CNBD1: variants seen among roughly 807,000 people sequenced by gnomAD.
CNBD1 encodes cyclic nucleotide binding domain containing 1, also known as cyclic nucleotide-binding domain-containing protein 1.
Under a neutral mutation model 54.4 loss-of-function variants are expected in CNBD1, and 71 were observed. The ratio of observed to expected loss-of-function variants is 1.30; its 90% CI spans 1.08 to 1.59. CNBD1 has a LOEUF of 1.59. Among genes scored for constraint, CNBD1 ranks in the 40% most tolerant of loss-of-function variants. The pLI is 0.00. For synonymous variants in CNBD1, 182 were observed against 170.7 expected, an observed-to-expected ratio of 1.07 and a Z score of -0.51; for missense variants, 659 against 518.0, an observed-to-expected ratio of 1.27 and a Z score of -2.64.
At chr8:87,349,273 T>G (rs550866314) in intron 8 of CNBD1, among the ~76,000 whole-genome samples, 1 of 152,176 alleles carries the variant, frequency 6.6e-6, no homozygotes, top group African/African-American at 2.4e-5. Flanking sequence ...AGAGGCTGAA[T>G]GAGTAAAATT....
intron 2 of CNBD1, among the ~76,000 whole-genome samples, chr8:87,406,332 T>G (rs970031051): frequency 1.3e-5 from 2 of 151,978 alleles, no homozygotes; most frequent in East Asian, 1.9e-4. Flanking sequence ...AATTCAAACA[T>G]TTTAAGTAAG....
In CNBD1 at chr8:86,942,425, G is replaced by A. The variant is rs59328536; in HGVS notation, c.431+2671G>A. ...GTCCACTGGGCTGTGACCATTTCTGGAGCATAGGATCCTCTTCCAAGCTCA... is the reference window on the plus strand; with the variant it reads ...GTCCACTGGGCTGTGACCATTTCTGAAGCATAGGATCCTCTTCCAAGCTCA... On this transcript the variant is annotated intron_variant, in intron 4 of 10. Transcript: ENST00000518476. 5.5e-3 allele frequency among the ~76,000 whole-genome samples: 841 copies of A among 152,218 alleles called. 8 individuals carry two copies. The highest frequency in any genetic ancestry group is 0.019 in the African/African-American group (788 of 41,558).
At chr8:87,156,569 A>G (rs1220031234) in intron 4 of CNBD1, among the ~76,000 whole-genome samples, 4 of 152,010 alleles carry the variant, frequency 2.6e-5, no homozygotes, top group Non-Finnish European at 5.9e-5. Context: ...AAAATACTTG[A>G]TAAAATACAC....
downstream of CNBD1, among the ~76,000 whole-genome samples, chr8:87,383,555 C>T (rs950675995): frequency 8.6e-5 from 13 of 151,690 alleles, no homozygotes; most frequent in Non-Finnish European, 1.0e-4. Flanking sequence ...TCCACTGTAA[C>T]ATACTGCTGC....
intron 8 of CNBD1, among the ~76,000 whole-genome samples, chr8:87,339,356 A>G (rs1284577433): frequency 6.6e-6 from 1 of 152,078 alleles, no homozygotes; most frequent in African/African-American, 2.4e-5. Flanking sequence ...TGTCAGTTAC[A>G]ATTCAGGTTT....
At chr8:86,977,747 AG>A in intron 4 of CNBD1, among the ~76,000 whole-genome samples, 1 of 152,276 alleles carries the variant, frequency 6.6e-6, no homozygotes, top group African/African-American at 2.4e-5. Flanking sequence ...CAGGAATAAA[AG>A]GTCTGCTATC....
intron 2 of CNBD1, among the ~76,000 whole-genome samples, chr8:87,408,756 C>T (rs983347573): frequency 4.6e-5 from 7 of 152,086 alleles, no homozygotes; most frequent in African/African-American, 1.7e-4. Context: ...GTAATTCTCT[C>T]AGTAGCTCAA....
At chr8:87,372,216 C>T (rs1810825588) in intron 10 of CNBD1, among the ~76,000 whole-genome samples, 1 of 152,010 alleles carries the variant, frequency 6.6e-6, no homozygotes, top group South Asian at 2.1e-4. Context: ...AGAGCCAAAT[C>T]ATGAGTGAAC....
chr8:87,158,732 A>T (rs775223445), intron 4 of CNBD1, among the ~76,000 whole-genome samples: 3 of 152,110 alleles, frequency 2.0e-5, no homozygotes, highest in Non-Finnish European at 4.4e-5. Context: ...TGGACTTTTT[A>T]CACTGAGTCC....
chr8:87,048,389 T>C (rs1249834640), intron 4 of CNBD1, among the ~76,000 whole-genome samples: 2 of 152,174 alleles, frequency 1.3e-5, no homozygotes, highest in African/African-American at 2.4e-5. Flanking sequence ...TTCTCACCTG[T>C]AGTAAAGCCA....
chr8:86,940,138 T>TTTTTTTTTTTTTTTTTTTTG (rs1809627263), intron 4 of CNBD1, among the ~76,000 whole-genome samples: 1 of 13,696 alleles, frequency 7.3e-5, no homozygotes, highest in African/African-American at 1.1e-3. Flanking sequence ...GTTACTTTTT[T>TTTTTTTTTTTTTTTTTTTTG]TTTTTTTTTT....
At chr8:86,897,506 C>G (rs1808864592) in intron 2 of CNBD1, among the ~76,000 whole-genome samples, 1 of 152,018 alleles carries the variant, frequency 6.6e-6, no homozygotes, top group South Asian at 2.1e-4. Context: ...AAGAAGGGAC[C>G]AGAAAGCAGA....
intron 5 of CNBD1, among the ~76,000 whole-genome samples, chr8:87,219,697 AAC>A (rs1814287407): frequency 6.6e-6 from 1 of 152,156 alleles, no homozygotes; most frequent in Admixed American, 6.6e-5. Context: ...TTAAATAAGA[AAC>A]ACAGTTTCTA....
At chr8:87,038,345 A>G (rs1044899106) in intron 4 of CNBD1, among the ~76,000 whole-genome samples, 2 of 152,222 alleles carry the variant, frequency 1.3e-5, no homozygotes, top group African/African-American at 2.4e-5. Flanking sequence ...TACACCATGT[A>G]GGAGACAGAG....
intron 4 of CNBD1, among the ~76,000 whole-genome samples, chr8:87,152,814 A>G (rs16897162): frequency 0.034 from 5,210 of 152,274 alleles, 303 homozygotes; most frequent in African/African-American, 0.12. Context: ...AAGGTCTGCA[A>G]GTTGATTGAA....
intron 2 of CNBD1, among the ~76,000 whole-genome samples, chr8:87,404,745 G>A (rs894929303): frequency 1.3e-5 from 2 of 151,966 alleles, no homozygotes; most frequent in Non-Finnish European, 2.9e-5. Context: ...CAGTATGTAA[G>A]GATATTAGCA....
intron 4 of CNBD1, among the ~76,000 whole-genome samples, chr8:87,176,575 C>G (rs1432415415): frequency 6.6e-6 from 1 of 151,418 alleles, no homozygotes; most frequent in African/African-American, 2.4e-5. Context: ...CCCTCTGCCT[C>G]CCGGGTTCAA....
intron 6 of CNBD1, among the ~76,000 whole-genome samples, chr8:87,268,390 A>G (rs934699630): frequency 1.3e-5 from 2 of 152,048 alleles, no homozygotes; most frequent in African/African-American, 4.8e-5. Context: ...CTTTGCTATT[A>G]TGAATAGTAC....
At chr8:87,343,268 G>T (rs576080183) in intron 8 of CNBD1, among the ~76,000 whole-genome samples, 2 of 151,992 alleles carry the variant, frequency 1.3e-5, no homozygotes, top group African/African-American at 4.8e-5. Context: ...CATGTTTTAC[G>T]GTCAGATTTC....
Sources: allele counts gnomAD v4.1 joint callset (sites outside exome capture counted in the v4.1 genomes callset), GRCh38; gene constraint gnomAD v4.1.1; transcripts MANE v1.5; gene names NCBI Gene and HGNC (gene_info 2026-07-23, HGNC 2026-07-21).